Variants in MAP4K1 observed in about 807,000 individuals in gnomAD.
MAP4K1 encodes mitogen-activated protein kinase kinase kinase kinase 1, also known as MAPK/ERK kinase kinase kinase 1.
In MAP4K1, 35 loss-of-function variants were observed where a neutral mutation model predicts 122.8. The observed-to-expected ratio is 0.29, with a 90% CI of 0.22 to 0.38. The LOEUF (loss-of-function observed/expected upper bound fraction) is 0.38. Ranked by LOEUF, MAP4K1 falls within the 10% of genes least tolerant of loss-of-function variation. The probability of loss-of-function intolerance (pLI) is 1.00; values close to 1 mark genes in which losing one functional copy is unlikely to be tolerated. For missense variants in MAP4K1, 791 were observed against 1,072.6 expected (o/e 0.74, Z 3.67); for synonymous variants, 412 against 421.3 (o/e 0.98, Z 0.27).
Position 38,613,963 on chromosome 19 carries a change from A to G in MAP4K1, c.461-11T>C. 2 of 1,613,954 alleles carry G rather than the reference A, an allele frequency of 1.2e-6. No individual in the cohort carries two copies. The highest frequency in any genetic ancestry group is 1.7e-6 in the Non-Finnish European group (2 of 1,179,908). Reference sequence around the variant, plus strand: ...AGATGCCAAAGTCAGCTGGAAGCAGAGGGAGACATAGTGATCTGGGGTCCA... The same window carrying G: ...AGATGCCAAAGTCAGCTGGAAGCAGGGGGAGACATAGTGATCTGGGGTCCA... On this transcript the variant is annotated splice_polypyrimidine_tract_variant and intron_variant, in intron 7 of 30. Coordinates refer to ENST00000396857, the MANE Select transcript of MAP4K1 (RefSeq NM_001042600.3).
intron 4 of MAP4K1, among the ~76,000 whole-genome samples, chr19:38,615,217 G>GGGGGT (rs1975614159): frequency 3.3e-5 from 5 of 151,830 alleles, no homozygotes; most frequent in Admixed American, 3.3e-4. Context: ...AAGCAGCAAA[G>GGGGGT]GGGGTGGGGT....
intron 30 of MAP4K1, among the ~76,000 whole-genome samples, chr19:38,593,044 G>A (rs1190061001): frequency 6.6e-6 from 1 of 152,188 alleles, no homozygotes; most frequent in Non-Finnish European, 1.5e-5. Flanking sequence ...AGGCTGCAGT[G>A]AGCCGTGGTC....
At chr19:38,588,844 G>T (rs1164339290) in intron 30 of MAP4K1, among the ~76,000 whole-genome samples, 7 of 151,820 alleles carry the variant, frequency 4.6e-5, no homozygotes, top group Non-Finnish European at 1.0e-4. Flanking sequence ...GATTGAACCT[G>T]GGAGGCAGAG....
intron 8 of MAP4K1, 119 bp downstream of exon 8, chr19:38,613,761 T>G (rs1915637947): frequency 1.3e-6 from 1 of 758,340 alleles, no homozygotes; most frequent in Non-Finnish European, 2.1e-6. Flanking sequence ...TGAAAGAATC[T>G]TCCAAGGAGA....
In MAP4K1 at chr19:38,596,348, C is replaced by T. The variant is rs376430694; in HGVS notation, c.2080G>A (p.Gly694Ser). The T allele has an allele frequency of 6.2e-7, 1 of 1,601,902 alleles. No homozygotes were observed. Among genetic ancestry groups the T allele is most frequent in the Non-Finnish European group, 8.5e-7 (1 of 1,175,552 alleles). The part of the protein sequence containing the change: ...KSVLFHTVRF[G>S]ALSCWLGEMS... ...TCGCCCAGCCAGCAAGAGAGCGCGC[C>T]AAAGCGCACCGTGTGGAAGAGCACC... The change falls in exon 26 of 31, where the codon GGC (glycine) becomes AGC (serine). Residue 694 changes from glycine to serine, a missense_variant. Gly to Ser is a moderately conservative substitution (Grantham distance 56). Around this residue, in one of 4 missense-constraint regions of MAP4K1, gnomAD observed 267 missense variants for 323.0 expected, o/e 0.83. Transcript: ENST00000396857.
rs200089303 is a variant in MAP4K1 at position 38,595,465 on chromosome 19, G to T, written c.2340+20C>A. ...GGAGGCTGGGGGGCAGTGATGTGGA[G>T]TTTGGATGGAGGGGCTTACCTGATC... On this transcript the variant is annotated intron_variant, in intron 29 of 30. Transcript: ENST00000396857. The T allele has an allele frequency of 1.9e-6, 3 of 1,613,706 alleles. No homozygotes were observed. Among genetic ancestry groups the T allele is most frequent in the Non-Finnish European group, 2.5e-6 (3 of 1,179,782 alleles).
intron 13 of MAP4K1, among the ~76,000 whole-genome samples, chr19:38,608,539 G>A (rs1450430122): frequency 6.6e-6 from 1 of 151,956 alleles, no homozygotes; most frequent in Non-Finnish European, 1.5e-5. Context: ...GCTCACGCCT[G>A]TAATCCCAGC....
At chr19:38,591,194 A>AAAT (rs1974716644) in intron 30 of MAP4K1, among the ~76,000 whole-genome samples, 2 of 150,704 alleles carry the variant, frequency 1.3e-5, no homozygotes, top group Non-Finnish European at 2.9e-5. Context: ...CTGTCTCAAG[A>AAAT]AAAGAAAAAA....
chr19:38,596,471 G>A lies in MAP4K1; in HGVS notation c.1957C>T (p.Leu653=), dbSNP rs1459073549. The A allele has an allele frequency of 8.9e-6, 14 of 1,569,554 alleles. No individual in the cohort carries two copies. The highest frequency in any genetic ancestry group is 1.7e-4 in the Middle Eastern group (1 of 5,980). ...FLLVRQVLFP[L]PTPLSVFALL... ...GCGAACACGGACAGAGGCGTCGGCA[G>A]TGGGAACAGCACCTGCTGCGGGCCG... Residue 653 remains leucine, a synonymous_variant, in exon 26 of 31, where the codon CTG becomes TTG. Transcript: ENST00000396857.
At chr19:38,600,799 A>AT (rs560496607) in intron 20 of MAP4K1, among the ~76,000 whole-genome samples, 5,498 of 90,910 alleles carry the variant, frequency 0.06, 162 homozygotes, top group Non-Finnish European at 0.073. Flanking sequence ...CCCTCTACCC[A>AT]TTTTTTTTTT....
Position 38,587,734 on chromosome 19 carries a change from A to G in MAP4K1, c.*14T>C. The G allele has an allele frequency of 6.2e-7, 1 of 1,609,556 alleles. No individual in the cohort carries two copies. Among genetic ancestry groups the G allele is most frequent in the Non-Finnish European group, 8.5e-7 (1 of 1,176,146 alleles). On this transcript the variant is annotated 3_prime_UTR_variant, in exon 31 of 31. Coordinates refer to ENST00000396857, the MANE Select transcript of MAP4K1 (RefSeq NM_001042600.3). Reference sequence around the variant, plus strand: ...GGGGGTGCAAGGACTAGTTCCTGACACCCCCCTAGGGACTCATTCCTGGAT... The same window carrying G: ...GGGGGTGCAAGGACTAGTTCCTGACGCCCCCCTAGGGACTCATTCCTGGAT...
intron 22 of MAP4K1, among the ~76,000 whole-genome samples, chr19:38,598,073 C>G (rs1255633345): frequency 6.6e-6 from 1 of 152,070 alleles, no homozygotes; most frequent in African/African-American, 2.4e-5. Context: ...CTCTGTCACC[C>G]AGGCTGGAGT....
intron 25 of MAP4K1, 131 bp from the exon 26 acceptor site, chr19:38,596,617 A>G: frequency 2.5e-6 from 2 of 795,686 alleles, no homozygotes; most frequent in Non-Finnish European, 1.9e-6. Context: ...TAGAAATGTC[A>G]GGGGATAAGG....
chr19:38,595,311 T>C (rs535095600), intron 29 of MAP4K1, among the ~76,000 whole-genome samples, 174 bp downstream of exon 29: 9 of 151,794 alleles, frequency 5.9e-5, no homozygotes, highest in Non-Finnish European at 1.2e-4. Flanking sequence ...TAAATAAAAA[T>C]AAAATAAAAA....
chr19:38,616,776 AT>A (rs1975658913), intron 3 of MAP4K1, among the ~76,000 whole-genome samples: 1 of 152,142 alleles, frequency 6.6e-6, no homozygotes, highest in Admixed American at 6.6e-5. Context: ...GAAGAGATCA[AT>A]TTGGGGTACT....
Position 38,617,822 on chromosome 19 carries a change from C to T in MAP4K1, c.74G>A (p.Gly25Asp). The change falls in exon 1 of 31, where the codon GGC becomes GAC. Residue 25 changes from glycine (G) to aspartate (D), a missense_variant. Around this residue, in one of 4 missense-constraint regions of MAP4K1, gnomAD observed 163 missense variants for 286.1 expected, o/e 0.57. Transcript: ENST00000396857. The surrounding 1 kb of genome is among the most constrained non-coding windows in gnomAD (Gnocchi z 4.1). ...CTTAAAGACTTCCCCATACGTGCCG[C>T]CACCCAGCCGCTGTAGCAGGTCATA... ...DHYDLLQRLG[G>D]GTYGEVFKAR... The T allele has an allele frequency of 3.7e-6, 6 of 1,614,136 alleles. No homozygotes were observed. Among genetic ancestry groups the T allele is most frequent in the Non-Finnish European group, 4.2e-6 (5 of 1,179,996 alleles).
chr19:38,605,168 C>T (rs1330825448), intron 19 of MAP4K1, among the ~76,000 whole-genome samples: 2 of 151,874 alleles, frequency 1.3e-5, no homozygotes, highest in African/African-American at 4.8e-5. Context: ...TTGGGTAAGC[C>T]ACTTACCCTC....
chr19:38,605,985 G>A (rs900712950), intron 17 of MAP4K1, among the ~76,000 whole-genome samples, 188 bp downstream of exon 17: 9 of 152,198 alleles, frequency 5.9e-5, no homozygotes, highest in Non-Finnish European at 1.3e-4. Flanking sequence ...CAGTGTCTAA[G>A]AGGCTAAATA....
chr19:38,597,527 T>C lies in MAP4K1; in HGVS notation c.1737A>G (p.Gly579=), dbSNP rs574465389. 9.8e-5 allele frequency: 158 copies of C among 1,614,042 alleles called. 2 individuals carry two copies. In the South Asian group the frequency reaches 1.7e-3, roughly 17 times the overall value. ...GGGGGCTAATGTGAGCGATGGGGTT[T>C]CCTGCTCTGGTCTCTTTCCGTTCCA... ...GLLERKETRA[G]NPIAHISPHR... The change falls in exon 23 of 31, where the codon GGA becomes GGG. Residue 579 remains glycine (G), a synonymous_variant. Coordinates refer to ENST00000396857, the MANE Select transcript of MAP4K1 (RefSeq NM_001042600.3). This position sits in a 1 kb window ranked among gnomAD's most constrained non-coding sequence, Gnocchi z 4.6.
Sources: gnomAD v4.1 joint callset for allele counts (sites outside exome capture counted in the v4.1 genomes callset) on GRCh38, gnomAD v4.1.1 for gene constraint, gnomAD v4.1.1 regional missense constraint, Gnocchi (gnomAD v3.1) non-coding constraint, MANE v1.5 for transcripts, NCBI Gene and HGNC (gene_info 2026-07-23, HGNC 2026-07-21) for gene names.